Variants in TBCD observed in about 807,000 individuals in gnomAD.
TBCD encodes the protein tubulin-specific chaperone D.
In TBCD, 105 loss-of-function variants were observed where a neutral mutation model predicts 169.3. The observed-to-expected ratio is 0.62, with a 90% confidence interval of 0.53 to 0.73. TBCD has a LOEUF of 0.73. Among genes scored for constraint, TBCD ranks in the 30% least tolerant of loss-of-function variants. The pLI, the probability that TBCD is intolerant of heterozygous loss-of-function variation, is 0.00. For synonymous variants in TBCD, 700 were observed against 643.9 expected (o/e 1.09, Z -1.32); for missense variants, 1,444 against 1,600.1 (o/e 0.90, Z 1.66).
Position 82,766,420 on chromosome 17 carries a change from C to CT in TBCD, c.435+53dup, listed in dbSNP as rs1316121851. 2.6e-5 allele frequency: 36 copies of CT among 1,396,752 alleles called. No individual in the cohort carries two copies. The Admixed American group carries it at 6.3e-4, about 25-fold the overall frequency. The allele number at this position is 1,396,752 out of a possible 1,614,324, so 86.5% of individuals were successfully genotyped here. On this transcript the variant is annotated intron_variant, in intron 4 of 38. Transcript: ENST00000355528. ...CTCCAGCCCTCCGTGCCTGTCCTTCCTCCCTGCTTGCCCCACCCTGCTGCA... is the reference window on the plus strand; with the variant it reads ...CTCCAGCCCTCCGTGCCTGTCCTTCCTTCCCTGCTTGCCCCACCCTGCTGCA...
At chr17:82,917,116 A>T (rs1351890910) in intron 23 of TBCD, among the ~76,000 whole-genome samples, 1 of 132,020 alleles carries the variant, frequency 7.6e-6, no homozygotes, top group Non-Finnish European at 1.5e-5. Flanking sequence ...GCCTCCCGGG[A>T]TTAAGCGATT....
At chr17:82,907,622 T>G in intron 20 of TBCD, 139 bp from the exon 21 acceptor site, 29 of 864,620 alleles carry the variant, frequency 3.4e-5, no homozygotes, top group East Asian at 1.9e-4. Flanking sequence ...TGAACAAGAA[T>G]GAGACCTTGC....
chr17:82,800,633 G>T (rs2050443351), intron 8 of TBCD, among the ~76,000 whole-genome samples: 1 of 152,132 alleles, frequency 6.6e-6, no homozygotes, highest in African/African-American at 2.4e-5. Context: ...TTGGCTCCCT[G>T]CCCTCTGAGT....
At chr17:82,926,082 G>A (rs12949618) in intron 27 of TBCD, among the ~76,000 whole-genome samples, 3 of 40,292 alleles carry the variant, frequency 7.4e-5, no homozygotes, top group African/African-American at 4.9e-4. Flanking sequence ...ACTGGGGGCC[G>A]TGGAGAGGCT....
At chr17:82,906,189 G>T in intron 20 of TBCD, 136 bp downstream of exon 20, 2 of 689,660 alleles carry the variant, frequency 2.9e-6, no homozygotes, top group Non-Finnish European at 4.8e-6. Flanking sequence ...ACAGTCGATA[G>T]GCCCCAGGTT....
In TBCD at chr17:82,903,389, C is replaced by T; in HGVS notation, c.1731-16C>T. The T allele has an allele frequency of 6.3e-7, 1 of 1,593,946 alleles. No homozygotes were observed. The highest frequency in any genetic ancestry group is 1.3e-5 in the African/African-American group (1 of 74,782). ...ATAAAATGAAGGCACTTACGACATT[C>T]TCTCCTCACTCTCAGGGTCATCCGA... is the stretch of plus-strand genomic sequence containing the variant. On this transcript the variant is annotated splice_polypyrimidine_tract_variant and intron_variant, in intron 18 of 38. Coordinates refer to ENST00000355528, the MANE Select transcript of TBCD (RefSeq NM_005993.5). The surrounding 1 kb of genome is among the most constrained non-coding windows in gnomAD (Gnocchi z 4.8).
chr17:82,807,348 G>A (rs2051046897), intron 10 of TBCD, among the ~76,000 whole-genome samples: 1 of 152,200 alleles, frequency 6.6e-6, no homozygotes, highest in South Asian at 2.1e-4. Context: ...CTTCCCCTGG[G>A]GGCAGGCAGC....
At chr17:82,823,197 G>C (rs1055324670) in intron 13 of TBCD, among the ~76,000 whole-genome samples, 1 of 152,154 alleles carries the variant, frequency 6.6e-6, no homozygotes, top group African/African-American at 2.4e-5. Context: ...TCAGGCTCTT[G>C]TGGGGGGCCC....
chr17:82,942,303 T>G, intron 38 of TBCD, 146 bp from the exon 39 acceptor site: 1 of 1,163,252 alleles, frequency 8.6e-7, no homozygotes, highest in South Asian at 1.4e-5. Flanking sequence ...TAGCTCAGGC[T>G]GCCGGGTGTG....
intron 3 of TBCD, 107 bp downstream of exon 3, chr17:82,764,169 C>T (rs2047910568): frequency 1.1e-5 from 10 of 894,248 alleles, no homozygotes; most frequent in Non-Finnish European, 1.5e-5. Context: ...TTCTTAGACA[C>T]AAGTTGTGGG....
chr17:82,809,570 C>T (rs570320301), intron 11 of TBCD, 138 bp from the exon 12 acceptor site: 26 of 846,790 alleles, frequency 3.1e-5, no homozygotes, highest in East Asian at 2.2e-4. Context: ...AAGCAGGGTG[C>T]GGGCTTGCCT....
chr17:82,822,620 G>T (rs1025556093), intron 13 of TBCD, among the ~76,000 whole-genome samples: 1 of 152,204 alleles, frequency 6.6e-6, no homozygotes, highest in Non-Finnish European at 1.5e-5. Flanking sequence ...AGATACTGGG[G>T]AATACACGGG....
chr17:82,755,419 G>A (rs1426120274), intron 1 of TBCD, among the ~76,000 whole-genome samples: 1 of 152,222 alleles, frequency 6.6e-6, no homozygotes, highest in Non-Finnish European at 1.5e-5. Context: ...CAACTTAGCA[G>A]AACCATTTCA....
At chr17:82,779,460 C>T (rs2048805989) in intron 6 of TBCD, among the ~76,000 whole-genome samples, 1 of 152,208 alleles carries the variant, frequency 6.6e-6, no homozygotes, top group South Asian at 2.1e-4. Context: ...ACTTCTTTCC[C>T]CATTGTTCAT....
rs1480844391 is a variant in TBCD at position 82,930,487 on chromosome 17, G to A, written c.2992-35G>A. The A allele has an allele frequency of 6.2e-7, 1 of 1,605,906 alleles. No individual in the cohort carries two copies. The highest frequency in any genetic ancestry group is 1.7e-5 in the Admixed American group (1 of 59,002). On this transcript the variant is annotated intron_variant, in intron 32 of 38. Coordinates refer to ENST00000355528, the MANE Select transcript of TBCD (RefSeq NM_005993.5). This position sits in a 1 kb window ranked among gnomAD's most constrained non-coding sequence, Gnocchi z 5.2. Reference sequence around the variant, plus strand: ...AGCCTGAGGGGTGGCAGGCTCGGGGGTCCCACTGCCTTCTGAGGTGTCTCC... The same window carrying A: ...AGCCTGAGGGGTGGCAGGCTCGGGGATCCCACTGCCTTCTGAGGTGTCTCC...
chr17:82,857,689 C>G (rs2056423069), intron 13 of TBCD, among the ~76,000 whole-genome samples: 1 of 149,410 alleles, frequency 6.7e-6, no homozygotes, highest in African/African-American at 2.5e-5. Context: ...AGTGTTATTA[C>G]TTGGCATAGC....
chr17:82,764,212 G>T, intron 3 of TBCD, 150 bp downstream of exon 3: 1 of 662,726 alleles, frequency 1.5e-6, no homozygotes, highest in Non-Finnish European at 2.6e-6. Flanking sequence ...GTATGTTGGG[G>T]ATCAGAATTT....
rs183349235 is a variant in TBCD, at chr17:82,807,646, G to A, written c.1126G>A (p.Val376Met). The A allele has an allele frequency of 3.2e-6, 5 of 1,552,600 alleles. No individual in the cohort carries two copies. The highest frequency in any genetic ancestry group is 1.9e-5 in the Admixed American group (1 of 51,928). Reference sequence around the variant, plus strand: ...CGGGCTGAAGGACAAGGACACGGTCGTGCGGTGGTCTGCAGCCAAGGGGTA... The same window carrying A: ...CGGGCTGAAGGACAAGGACACGGTCATGCGGTGGTCTGCAGCCAAGGGGTA... ...LVGLKDKDTV[V>M]RWSAAKGIGR... is the part of the protein sequence containing the mutation. Residue 376 changes from valine (V) to methionine (M), a missense_variant, in exon 11 of 39, where the codon GTG becomes ATG. Coordinates refer to ENST00000355528, the MANE Select transcript of TBCD (RefSeq NM_005993.5).
intron 11 of TBCD, among the ~76,000 whole-genome samples, chr17:82,808,007 C>T (rs995577011): frequency 1.3e-5 from 2 of 152,220 alleles, no homozygotes; most frequent in Admixed American, 6.5e-5. Context: ...CCTACAATGA[C>T]GGTGCTCAGG....
Sources: allele counts gnomAD v4.1 joint callset (sites outside exome capture counted in the v4.1 genomes callset), GRCh38; gene constraint gnomAD v4.1.1; non-coding constraint Gnocchi (gnomAD v3.1); transcripts MANE v1.5; gene names NCBI Gene and HGNC (gene_info 2026-07-23, HGNC 2026-07-21).